The following CFAP206 variants were observed in gnomAD, a reference collection of about 807,000 sequenced individuals.
The protein encoded by CFAP206 is cilia- and flagella-associated protein 206.
Under a neutral mutation model 65.4 loss-of-function variants are expected in CFAP206, and 53 were observed. The observed-to-expected ratio is 0.81, with a 90% CI of 0.65 to 1.02. CFAP206 has a LOEUF of 1.02. CFAP206 is among the 50% of genes least tolerant of loss of function. The pLI, the probability that CFAP206 is intolerant of heterozygous loss-of-function variation, is 0.00. For synonymous variants in CFAP206, 250 were observed against 254.4 expected (o/e 0.98, Z 0.17); for missense variants, 663 against 753.2 (o/e 0.88, Z 1.40).
chr6:87,426,487 A>T, intron 7 of CFAP206, 39 bp from the exon 8 acceptor site: 2 of 1,443,714 alleles, frequency 1.4e-6, no homozygotes, highest in Non-Finnish European at 1.9e-6. Context: ...TTATAGTAGA[A>T]TTATAAAAAT....
At chr6:87,442,085 G>A in intron 11 of CFAP206, 1 of 183,234 alleles carries the variant, frequency 5.5e-6, no homozygotes, top group East Asian at 1.4e-4. Context: ...TTTGCATCGG[G>A]TTGCTGCCAG....
At chr6:87,430,451 T>G (rs768102575) in intron 9 of CFAP206, among the ~76,000 whole-genome samples, 17 of 152,202 alleles carry the variant, frequency 1.1e-4, no homozygotes, top group African/African-American at 1.2e-4. Context: ...GAACAAAAAT[T>G]ACACACCTTG....
intron 3 of CFAP206, among the ~76,000 whole-genome samples, chr6:87,412,412 G>A (rs62417632): frequency 1.3e-5 from 2 of 152,138 alleles, no homozygotes; most frequent in Non-Finnish European, 2.9e-5. Context: ...AGTATATTCA[G>A]CCTACAGAGT....
chr6:87,449,172 C>T (rs2223879), intron 11 of CFAP206, among the ~76,000 whole-genome samples: 41,684 of 151,988 alleles, frequency 0.27, 5,921 homozygotes, highest in Admixed American at 0.38. Context: ...CGCGGTGGCT[C>T]ACGCCTGTAA....
intron 8 of CFAP206, 24 bp downstream of exon 8, chr6:87,426,669 A>G: frequency 1.3e-6 from 2 of 1,524,304 alleles, no homozygotes; most frequent in Non-Finnish European, 8.8e-7. Flanking sequence ...ATAAACTTTG[A>G]CCTTAAGGTG....
At chr6:87,451,876 G>GAA (rs57932058) in intron 11 of CFAP206, among the ~76,000 whole-genome samples, 39,687 of 139,038 alleles carry the variant, frequency 0.29, 5,491 homozygotes, top group Admixed American at 0.39. Flanking sequence ...CATCTCAAAA[G>GAA]AAAAAAAAAA....
rs767879290 is a variant in CFAP206, at chr6:87,426,526, T to A, written c.841T>A (p.Ser281Thr). The change falls in exon 8 of 13, where the codon TCA becomes ACA. Residue 281 changes from serine (S) to threonine (T), a missense_variant and splice_region_variant. Physicochemically the swap from Ser to Thr is moderately conservative, Grantham distance 58 (BLOSUM62 1). Coordinates refer to ENST00000369562, the MANE Select transcript of CFAP206 (RefSeq NM_001031743.3). ...AATGCAAATTATGTTGTTTTCACAG[T>A]CAGATATAATTACTGGTGCTCAAGA... ...QYEVFLQIILSDIITGAQEVE... is the reference protein window; with the variant it reads ...QYEVFLQIILTDIITGAQEVE... The A allele has an allele frequency of 6.4e-7, 1 of 1,569,288 alleles. No homozygotes were observed. Among genetic ancestry groups the A allele is most frequent in the South Asian group, 1.2e-5 (1 of 82,638 alleles).
intron 11 of CFAP206, among the ~76,000 whole-genome samples, chr6:87,454,477 T>G (rs964126771): frequency 2.6e-5 from 4 of 152,146 alleles, no homozygotes; most frequent in African/African-American, 9.7e-5. Context: ...AGACCATATG[T>G]TAGGCCACAA....
At chr6:87,455,123 T>C (rs934073516) in intron 11 of CFAP206, among the ~76,000 whole-genome samples, 11 of 152,022 alleles carry the variant, frequency 7.2e-5, no homozygotes, top group Admixed American at 3.9e-4. Context: ...GGTTTCACCA[T>C]GTTGGCCGGG....
At chr6:87,439,771 C>T (rs965349648) in intron 11 of CFAP206, among the ~76,000 whole-genome samples, 24 of 151,936 alleles carry the variant, frequency 1.6e-4, no homozygotes, top group Middle Eastern at 3.4e-3. Flanking sequence ...GTGAAATTGT[C>T]GTAGACCATT....
intron 7 of CFAP206, 49 bp from the exon 8 acceptor site, chr6:87,426,477 T>C: frequency 1.4e-6 from 2 of 1,388,186 alleles, no homozygotes; most frequent in Admixed American, 4.6e-5. Context: ...CATATGATTT[T>C]TATAGTAGAA....
chr6:87,418,704 T>C (rs1192159648), intron 7 of CFAP206, among the ~76,000 whole-genome samples: 1 of 152,260 alleles, frequency 6.6e-6, no homozygotes, highest in East Asian at 1.9e-4. Context: ...AATACTATGT[T>C]TATTTTAGTT....
intron 11 of CFAP206, among the ~76,000 whole-genome samples, chr6:87,448,409 A>G (rs1490277743): frequency 6.6e-6 from 1 of 152,208 alleles, no homozygotes; most frequent in Non-Finnish European, 1.5e-5. Context: ...TTTGTGGGGT[A>G]CATGTAATAT....
At chr6:87,408,261 T>C (rs1351381251) in intron 1 of CFAP206, among the ~76,000 whole-genome samples, 172 bp downstream of exon 1, 1 of 152,160 alleles carries the variant, frequency 6.6e-6, no homozygotes, top group Admixed American at 6.5e-5. Context: ...GGAACAGCGG[T>C]CCATTCCTGC....
Position 87,415,768 on chromosome 6 carries a change from T to C in CFAP206, c.366T>C (p.Cys122=). ...GAGAAATTACAGATAACAGAGCATG[T>C]GCTAAAGAAGAATTGGAAAGCCTCT... The part of the protein sequence containing the change: ...VTREITDNRA[C]AKEELESLYR... The change falls in exon 5 of 13, where the codon TGT becomes TGC. Residue 122 remains cysteine (C), a synonymous_variant. Coordinates refer to ENST00000369562, the MANE Select transcript of CFAP206 (RefSeq NM_001031743.3). 6.2e-7 allele frequency: 1 copy of C among 1,613,658 alleles called. No homozygotes were observed.
In CFAP206 at chr6:87,415,752, C is replaced by A; in HGVS notation, c.350C>A (p.Thr117Lys). ...TTAGGCTCTGTTACCCGAGAAATTA[C>A]AGATAACAGAGCATGTGCTAAAGAA... ...SRLGSVTREI[T>K]DNRACAKEEL... The change falls in exon 5 of 13, where the codon ACA becomes AAA. Residue 117 changes from threonine (T) to lysine (K), a missense_variant. Thr to Lys is a moderately conservative substitution (Grantham distance 78). Transcript: ENST00000369562. 6.2e-7 allele frequency: 1 copy of A among 1,612,994 alleles called. No individual in the cohort carries two copies. Among genetic ancestry groups the A allele is most frequent in the Middle Eastern group, 1.7e-4 (1 of 6,058 alleles).
At position 87,416,664 on chromosome 6, in the gene CFAP206, T is replaced by C. The variant is rs1767835739; in HGVS notation, c.473-5T>C. The C allele has an allele frequency of 1.3e-6, 2 of 1,569,350 alleles. No individual in the cohort carries two copies. The highest frequency in any genetic ancestry group is 2.0e-5 in the Admixed American group (1 of 50,098). ...TTCCTTTTTTTTTTTTCTGGTTTAT[T>C]TTAGCTGCTCTACAGAGTGTTTTTC... On this transcript the variant is annotated splice_region_variant and splice_polypyrimidine_tract_variant and intron_variant, in intron 5 of 12. Coordinates refer to ENST00000369562, the MANE Select transcript of CFAP206 (RefSeq NM_001031743.3).
chr6:87,430,798 A>G (rs568272262), intron 9 of CFAP206, among the ~76,000 whole-genome samples: 38 of 152,154 alleles, frequency 2.5e-4, no homozygotes, highest in Non-Finnish European at 5.1e-4. Flanking sequence ...GCAAAATCCT[A>G]CCTCCAAGTT....
intron 8 of CFAP206, 99 bp downstream of exon 8, chr6:87,426,744 A>G: frequency 1.0e-6 from 1 of 959,688 alleles, no homozygotes; most frequent in Non-Finnish European, 1.4e-6. Flanking sequence ...ATTTCTAAAA[A>G]TATAATGTTT....
Sources: allele counts gnomAD v4.1 joint callset (sites outside exome capture counted in the v4.1 genomes callset), GRCh38; gene constraint gnomAD v4.1.1; transcripts MANE v1.5; gene names NCBI Gene and HGNC (gene_info 2026-07-23, HGNC 2026-07-21).